Variants in KIF20B observed in about 807,000 individuals in gnomAD.
KIF20B encodes the protein kinesin family member 20B.
In KIF20B, 188 loss-of-function variants were observed where a neutral mutation model predicts 232.5. The ratio of observed to expected loss-of-function variants is 0.81; its 90% CI spans 0.72 to 0.91. KIF20B has a LOEUF of 0.91. KIF20B is among the 40% of genes least tolerant of loss of function. The pLI, the probability that KIF20B is intolerant of heterozygous loss-of-function variation, is 0.00. For missense variants in KIF20B, 2,154 were observed against 2,055.9 expected (o/e 1.05, Z -0.92); for synonymous variants, 712 against 683.0 (o/e 1.04, Z -0.66).
At chr10:89,727,279 G>A (rs1233940601) in intron 16 of KIF20B, among the ~76,000 whole-genome samples, 4 of 148,394 alleles carry the variant, frequency 2.7e-5, no homozygotes, top group Admixed American at 1.3e-4. Context: ...TTAAAGACAG[G>A]GTCTCACTCT....
chr10:89,746,545 G>A (rs748078253), intron 23 of KIF20B, among the ~76,000 whole-genome samples: 1 of 152,190 alleles, frequency 6.6e-6, no homozygotes, highest in African/African-American at 2.4e-5. Context: ...GCTTGTGTGT[G>A]TGCCTGCCAG....
intron 5 of KIF20B, among the ~76,000 whole-genome samples, chr10:89,710,445 T>C (rs1285359674): frequency 6.6e-6 from 1 of 152,170 alleles, no homozygotes; most frequent in African/African-American, 2.4e-5. Flanking sequence ...GCCAGGCTAG[T>C]CTCGAACTCC....
At position 89,743,880 on chromosome 10, in the gene KIF20B, T is replaced by G; in HGVS notation, c.3988T>G (p.Cys1330Gly). Residue 1330 changes from cysteine (C) to glycine (G), a missense_variant, in exon 22 of 33, where the codon TGT becomes GGT. Physicochemically the swap from Cys to Gly is radical, Grantham distance 159 (BLOSUM62 -3). Transcript: ENST00000371728. ...INELEKKKNQ[C>G]SQELDMKQRT... ...TGAACTGGAGAAAAAGAAAAACCAGTGTTCTCAGGAATTAGATATGAAACA... is the reference window on the plus strand; with the variant it reads ...TGAACTGGAGAAAAAGAAAAACCAGGGTTCTCAGGAATTAGATATGAAACA... 6.3e-7 allele frequency: 1 copy of G among 1,591,670 alleles called. No individual in the cohort carries two copies. Among genetic ancestry groups the G allele is most frequent in the Non-Finnish European group, 8.5e-7 (1 of 1,170,596 alleles).
chr10:89,731,559 T>G (rs193161074), intron 18 of KIF20B, among the ~76,000 whole-genome samples: 19 of 152,340 alleles, frequency 1.2e-4, no homozygotes, highest in Non-Finnish European at 5.9e-5. Flanking sequence ...TTAGTTTGAA[T>G]TCTTTGCTTT....
chr10:89,747,723 G>C (rs535028905), intron 23 of KIF20B, among the ~76,000 whole-genome samples: 3 of 151,288 alleles, frequency 2.0e-5, no homozygotes, highest in African/African-American at 7.3e-5. Context: ...ACATCACACT[G>C]TGGGGACTGT....
At position 89,705,377 on chromosome 10, in the gene KIF20B, T is replaced by C; in HGVS notation, c.83T>C (p.Ile28Thr). 1 of 1,614,076 alleles carries C rather than the reference T, an allele frequency of 6.2e-7. No homozygotes were observed. The highest frequency in any genetic ancestry group is 8.5e-7 in the Non-Finnish European group (1 of 1,179,964). ...GACCCAATTGCAAGGCCTTCAGAAA[T>C]AAATTTCGATGGCATTAAGCTTGAT... ...SADPIARPSE[I>T]NFDGIKLDLS... The change falls in exon 2 of 33, where the codon ATA (isoleucine) becomes ACA (threonine). Residue 28 changes from isoleucine (I) to threonine (T), a missense_variant. Transcript: ENST00000371728.
chr10:89,734,142 G>A (rs1408218416), intron 19 of KIF20B, among the ~76,000 whole-genome samples: 1 of 152,118 alleles, frequency 6.6e-6, no homozygotes, highest in African/African-American at 2.4e-5. Flanking sequence ...GGGCGTGGTG[G>A]CTCATGCCTG....
At chr10:89,765,071 G>T (rs962707737) in intron 29 of KIF20B, among the ~76,000 whole-genome samples, 14 of 151,608 alleles carry the variant, frequency 9.2e-5, no homozygotes, top group African/African-American at 3.2e-4. Flanking sequence ...ATTGATTTTT[G>T]TATAAGGTGT....
chr10:89,751,444 TTAGAG>T lies in KIF20B; in HGVS notation c.4196_4200del (p.Leu1399Ter). 1 of 1,607,386 alleles carries T rather than the reference TTAGAG, an allele frequency of 6.2e-7. No homozygotes were observed. The highest frequency in any genetic ancestry group is 8.5e-7 in the Non-Finnish European group (1 of 1,177,326). ...ACAGGATCAAGTGCTTGAGGCTAAA[TTAGAG>T]GAAGTTGAAAGGCTGGCCACAGGTA... On this transcript the variant is annotated frameshift_variant, in exon 24 of 33. Transcript: ENST00000371728. LOFTEE classifies it high-confidence loss of function.
At chr10:89,733,589 G>C (rs1387848481) in intron 19 of KIF20B, among the ~76,000 whole-genome samples, 1 of 152,066 alleles carries the variant, frequency 6.6e-6, no homozygotes, top group Non-Finnish European at 1.5e-5. Context: ...ATATAAAGAA[G>C]GGCAAACCTT....
At chr10:89,733,448 C>G (rs1843373073) in intron 19 of KIF20B, among the ~76,000 whole-genome samples, 1 of 151,936 alleles carries the variant, frequency 6.6e-6, no homozygotes, top group Non-Finnish European at 1.5e-5. Flanking sequence ...AGACTTTGAG[C>G]TAAATATTAT....
chr10:89,738,729 G>A, intron 20 of KIF20B, 112 bp downstream of exon 20: 1 of 1,311,506 alleles, frequency 7.6e-7, no homozygotes, highest in Non-Finnish European at 1.0e-6. Context: ...TAGCATGTAT[G>A]ATGAGTGAAG....
chr10:89,759,212 G>A (rs769358538), intron 27 of KIF20B, among the ~76,000 whole-genome samples: 3 of 152,052 alleles, frequency 2.0e-5, no homozygotes, highest in Non-Finnish European at 4.4e-5. Context: ...ATATGGAAAT[G>A]TGATTCAACA....
chr10:89,720,166 A>G (rs1843022792), intron 13 of KIF20B, among the ~76,000 whole-genome samples: 1 of 152,210 alleles, frequency 6.6e-6, no homozygotes, highest in South Asian at 2.1e-4. Context: ...GTTTTTGTCT[A>G]CAGCCAGAGT....
At chr10:89,734,368 G>A (rs754365247) in intron 19 of KIF20B, among the ~76,000 whole-genome samples, 2 of 152,132 alleles carry the variant, frequency 1.3e-5, no homozygotes, top group African/African-American at 2.4e-5. Context: ...CCAAGATTGC[G>A]CCATTGCACT....
At chr10:89,754,428 A>G in intron 25 of KIF20B, 90 bp from the exon 26 acceptor site, 1 of 753,508 alleles carries the variant, frequency 1.3e-6, no homozygotes, top group South Asian at 5.3e-5. Flanking sequence ...ATAGAGGTGA[A>G]AAGTAATGGA....
chr10:89,769,323 A>G (rs1022183911), intron 31 of KIF20B, among the ~76,000 whole-genome samples: 2 of 151,970 alleles, frequency 1.3e-5, no homozygotes, highest in Non-Finnish European at 2.9e-5. Context: ...TGGTTGGGGC[A>G]GGAAATCCCC....
rs57907659 is a variant in KIF20B, at chr10:89,704,564, G to GT, written c.-1-718dup. ...TTTTCAGATAACTGAGTTTTGTTTT[G>GT]TTTTTTTTTTTTGACGGAATCTCAC... On this transcript the variant is annotated intron_variant, in intron 1 of 32. Transcript: ENST00000371728. 5.8e-3 allele frequency among the ~76,000 whole-genome samples: 838 copies of GT among 144,622 alleles called. 2 individuals are homozygous for GT. The highest frequency in any genetic ancestry group is 0.014 in the Middle Eastern group (4 of 280). 94.9% of individuals were successfully genotyped at this position (144,622 alleles called of 152,430 possible). A position where few individuals can be genotyped will look rare whatever the true frequency, so the allele number is the denominator to read the frequency against.
rs766739846 is a variant in KIF20B, at chr10:89,758,885, C to G, written c.4680+3C>G. ...TCATATCAGAGACTTCTAAAATAGT[C>G]AGTAGTCTTTTTTGCTATGCCTTTT... is the stretch of plus-strand genomic sequence containing the variant. On this transcript the variant is annotated splice_donor_region_variant and intron_variant, in intron 27 of 32. Transcript: ENST00000371728. 3 of 1,492,774 alleles carry G rather than the reference C, an allele frequency of 2.0e-6. No individual in the cohort carries two copies. Among genetic ancestry groups the G allele is most frequent in the African/African-American group, 2.9e-5 (2 of 69,940 alleles). 92.5% of individuals were successfully genotyped at this position (1,492,774 alleles called of 1,614,324 possible). A position where few individuals can be genotyped will look rare whatever the true frequency, so the allele number is the denominator to read the frequency against.
Sources: allele counts gnomAD v4.1 joint callset (sites outside exome capture counted in the v4.1 genomes callset), GRCh38; gene constraint gnomAD v4.1.1; transcripts MANE v1.5; gene names NCBI Gene and HGNC (gene_info 2026-07-23, HGNC 2026-07-21).